Variants in WWOX observed in about 807,000 individuals in gnomAD.
The protein encoded by WWOX is WW domain containing oxidoreductase.
WWOX carries 69 observed loss-of-function variants against 46.2 expected under a neutral mutation model. That is an observed-to-expected ratio of 1.49 (90% confidence interval 1.23 to 1.82). The LOEUF is 1.82. WWOX is among the 40% of genes most tolerant of loss of function. The pLI is 0.00. For missense variants in WWOX, 919 were observed against 542.6 expected (o/e 1.69, Z -6.89); for synonymous variants, 359 against 202.6 (o/e 1.77, Z -6.56).
At chr16:78,308,939 T>G (rs1422427208) in intron 5 of WWOX, among the ~76,000 whole-genome samples, 1 of 152,090 alleles carries the variant, frequency 6.6e-6, no homozygotes, top group Non-Finnish European at 1.5e-5. Flanking sequence ...TGATCTCGGG[T>G]GTTTAGCTAA....
intron 8 of WWOX, among the ~76,000 whole-genome samples, chr16:78,479,369 C>G (rs1045832724): frequency 6.6e-6 from 1 of 152,168 alleles, no homozygotes; most frequent in South Asian, 2.1e-4. Flanking sequence ...AGACCTAACT[C>G]AGCCTGAGAG....
intron 8 of WWOX, among the ~76,000 whole-genome samples, chr16:78,652,608 A>G (rs2046992057): frequency 6.6e-6 from 1 of 152,052 alleles, no homozygotes; most frequent in South Asian, 2.1e-4. Context: ...TGTTACCTGG[A>G]CAGCTCCTGC....
intron 8 of WWOX, among the ~76,000 whole-genome samples, chr16:78,496,935 C>G (rs538915495): frequency 2.0e-5 from 3 of 152,336 alleles, no homozygotes; most frequent in Non-Finnish European, 2.9e-5. Context: ...CCCGCCCTCT[C>G]AAGCCATCCA....
At chr16:78,651,700 G>A (rs547117509) in intron 8 of WWOX, among the ~76,000 whole-genome samples, 9 of 152,320 alleles carry the variant, frequency 5.9e-5, no homozygotes, top group South Asian at 2.1e-4. Flanking sequence ...TTAAGCATCA[G>A]TACATAACTG....
chr16:78,106,152 A>G (rs1226875657), intron 1 of WWOX, among the ~76,000 whole-genome samples: 1 of 152,170 alleles, frequency 6.6e-6, no homozygotes, highest in South Asian at 2.1e-4. Flanking sequence ...CTTCAAGCAC[A>G]TTTGATGTGT....
At chr16:79,203,993 A>C (rs2051426883) in intron 8 of WWOX, 1 of 152,204 alleles carries the variant, frequency 6.6e-6, no homozygotes, top group South Asian at 2.1e-4. Flanking sequence ...ACGGGCATCA[A>C]GGTGGCCCAG....
chr16:78,922,984 C>CTTTTTTTCTTTTTTTCT lies in WWOX; in HGVS notation c.1057-288617_1057-288616insCTTTTTTTCTTTTTTTT, dbSNP rs1555569184. Reference sequence around the variant, plus strand: ...CAGGAGGCATAATTCTTTCTCTTTTCTTTTTTTTTTTTTTGAGACAGAGTT... The same window carrying CTTTTTTTCTTTTTTTCT: ...CAGGAGGCATAATTCTTTCTCTTTTCTTTTTTTCTTTTTTTCTTTTTTTTTTTTTTTGAGACAGAGTT... On this transcript the variant is annotated intron_variant, in intron 8 of 8. Transcript: ENST00000566780. 4.9e-3 allele frequency among the ~76,000 whole-genome samples: 698 copies of CTTTTTTTCTTTTTTTCT among 141,540 alleles called. 7 individuals are homozygous for CTTTTTTTCTTTTTTTCT. Among genetic ancestry groups the CTTTTTTTCTTTTTTTCT allele is most frequent in the African/African-American group, 0.017 (665 of 38,380 alleles). The allele number at this position is 141,540 out of a possible 152,430, so 92.9% of individuals were successfully genotyped here.
chr16:79,052,254 T>C, intron 8 of WWOX, among the ~76,000 whole-genome samples: 1 of 151,440 alleles, frequency 6.6e-6, no homozygotes, highest in Admixed American at 6.6e-5. Context: ...GTGATCTCAT[T>C]GTTCAGTTGT....
chr16:78,706,266 G>C (rs1457018147), intron 8 of WWOX, among the ~76,000 whole-genome samples: 2 of 151,936 alleles, frequency 1.3e-5, no homozygotes, highest in South Asian at 2.1e-4. Context: ...TATAAACTTT[G>C]TCTGTCTGTG....
chr16:79,020,128 C>G (rs1287071080), intron 8 of WWOX, among the ~76,000 whole-genome samples: 5 of 152,158 alleles, frequency 3.3e-5, no homozygotes, highest in African/African-American at 9.7e-5. Flanking sequence ...TGCTAGATCT[C>G]TCCCTGGGGA....
chr16:78,618,765 G>A (rs11150091), intron 8 of WWOX, among the ~76,000 whole-genome samples: 65,428 of 151,476 alleles, frequency 0.43, 16,273 homozygotes, highest in Middle Eastern at 0.58. Context: ...TTCCCCACCT[G>A]AGACCTGAGA....
chr16:79,063,597 G>A (rs1328632741), intron 8 of WWOX, among the ~76,000 whole-genome samples: 1 of 152,202 alleles, frequency 6.6e-6, no homozygotes, highest in Non-Finnish European at 1.5e-5. Context: ...AAACAAGGTT[G>A]GGTCTACTTT....
chr16:78,263,288 C>G (rs1361633343), intron 5 of WWOX, among the ~76,000 whole-genome samples: 1 of 152,182 alleles, frequency 6.6e-6, no homozygotes, highest in Non-Finnish European at 1.5e-5. Context: ...TCTCTTTCCT[C>G]AAAGTTCCAA....
intron 8 of WWOX, among the ~76,000 whole-genome samples, chr16:78,547,515 C>T (rs1380123990): frequency 2.6e-5 from 4 of 152,160 alleles, no homozygotes; most frequent in African/African-American, 7.2e-5. Flanking sequence ...TTCTACTTCT[C>T]ATTCATTAGG....
chr16:79,032,098 T>C (rs1204061821), intron 8 of WWOX, among the ~76,000 whole-genome samples: 1 of 144,846 alleles, frequency 6.9e-6, no homozygotes, highest in Admixed American at 7.1e-5. Flanking sequence ...ATATTATGTA[T>C]AGATAATTTA....
At chr16:78,984,413 C>G (rs2046744879) in intron 8 of WWOX, among the ~76,000 whole-genome samples, 1 of 152,198 alleles carries the variant, frequency 6.6e-6, no homozygotes, top group Admixed American at 6.5e-5. Flanking sequence ...CATATAGTCT[C>G]TGTTTCAATT....
In WWOX at chr16:79,124,579, G is replaced by A. The variant is rs958676416; in HGVS notation, c.1057-87029G>A. 2.0e-5 allele frequency among the ~76,000 whole-genome samples: 3 copies of A among 152,206 alleles called. No individual in the cohort carries two copies. In the South Asian group the frequency reaches 6.2e-4, roughly 32 times the overall value. ...TACCCGAAGTGCATTCCATGGCCCTGTCCCAGCCATAGAAAGAAATGCCTT... is the reference window on the plus strand; with the variant it reads ...TACCCGAAGTGCATTCCATGGCCCTATCCCAGCCATAGAAAGAAATGCCTT... On this transcript the variant is annotated intron_variant, in intron 8 of 8. Coordinates refer to ENST00000566780, the MANE Select transcript of WWOX (RefSeq NM_016373.4).
At chr16:78,962,129 C>T (rs1041780421) in intron 8 of WWOX, among the ~76,000 whole-genome samples, 8 of 151,858 alleles carry the variant, frequency 5.3e-5, no homozygotes, top group Non-Finnish European at 4.4e-5. Flanking sequence ...AGAGGCTTGC[C>T]ATCTGAACAG....
At chr16:79,014,380 A>G (rs561357217) in intron 8 of WWOX, among the ~76,000 whole-genome samples, 155 of 152,166 alleles carry the variant, frequency 1.0e-3, no homozygotes, top group Non-Finnish European at 2.1e-3. Context: ...TTGTCCCCGA[A>G]TGGAAAAACA....
Sources: allele counts gnomAD v4.1 joint callset (sites outside exome capture counted in the v4.1 genomes callset), GRCh38; gene constraint gnomAD v4.1.1; transcripts MANE v1.5; gene names NCBI Gene and HGNC (gene_info 2026-07-23, HGNC 2026-07-21).